SOD2: variants seen among roughly 807,000 people sequenced by gnomAD.
SOD2 encodes superoxide dismutase [Mn], mitochondrial.
In SOD2, 11 loss-of-function variants were observed where a neutral mutation model predicts 27.0. The observed-to-expected ratio is 0.41, with a 90% CI of 0.26 to 0.67. The LOEUF (loss-of-function observed/expected upper bound fraction) is 0.67. Ranked by LOEUF, SOD2 falls within the 30% of genes least tolerant of loss-of-function variation. The probability of loss-of-function intolerance (pLI) is 0.34; values close to 1 mark genes in which losing one functional copy is unlikely to be tolerated. For synonymous variants in SOD2, 105 were observed against 103.0 expected, an observed-to-expected ratio of 1.02 and a Z score of -0.12; for missense variants, 250 against 274.5, an observed-to-expected ratio of 0.91 and a Z score of 0.63.
chr6:159,682,876 A>G (rs1279996597), intron 4 of SOD2, among the ~76,000 whole-genome samples: 1 of 152,258 alleles, frequency 6.6e-6, no homozygotes, highest in African/African-American at 2.4e-5. Flanking sequence ...TAGACTTGGG[A>G]AAATTAACAA....
At chr6:159,727,373 C>CTGGCGGG, upstream of SOD2, 1 of 623,018 alleles carries the variant, frequency 1.6e-6, no homozygotes, top group African/African-American at 3.8e-5. Context: ...AGCGGGGAGG[C>CTGGCGGG]TGGCGGGAGG....
chr6:159,694,753 G>A (rs1395313993), upstream of SOD2, among the ~76,000 whole-genome samples: 2 of 124,112 alleles, frequency 1.6e-5, no homozygotes, highest in Non-Finnish European at 3.4e-5. Context: ...GCACCTCCAC[G>A]CCCCACTATT....
chr6:159,686,765 G>A (rs1334592601), intron 3 of SOD2, among the ~76,000 whole-genome samples: 3 of 152,188 alleles, frequency 2.0e-5, no homozygotes, highest in African/African-American at 7.2e-5. Flanking sequence ...GCATAAGATA[G>A]GCTGCCTTCC....
upstream of SOD2, among the ~76,000 whole-genome samples, chr6:159,694,433 G>A (rs1055667089): frequency 6.6e-6 from 1 of 152,074 alleles, no homozygotes; most frequent in African/African-American, 2.4e-5. Context: ...TAAGTGGAAT[G>A]GGAAAACAGT....
At chr6:159,688,397 A>C in intron 2 of SOD2, 155 bp from the exon 3 acceptor site, 3 of 575,472 alleles carry the variant, frequency 5.2e-6, no homozygotes, top group Non-Finnish European at 6.2e-6. Flanking sequence ...CCGCCCCAAA[A>C]TTATTTGTCC....
intron 1 of SOD2, chr6:159,713,394 G>T (rs1232225854): frequency 9.2e-6 from 6 of 653,600 alleles, no homozygotes; most frequent in Non-Finnish European, 1.7e-5. Context: ...GCACAGCCAT[G>T]AGCTTCTGAG....
chr6:159,731,344 T>G (rs1778559404), upstream of SOD2, among the ~76,000 whole-genome samples: 1 of 151,326 alleles, frequency 6.6e-6, no homozygotes, highest in Non-Finnish European at 1.5e-5. Flanking sequence ...GGTTCATGCC[T>G]GTGATCCCAG....
intron 1 of SOD2, among the ~76,000 whole-genome samples, chr6:159,759,166 TCTC>T (rs1051735987): frequency 5.3e-5 from 8 of 151,110 alleles, no homozygotes; most frequent in Admixed American, 4.6e-4. Context: ...TTCAAGCAAT[TCTC>T]CTGCCTCAGC....
At chr6:159,727,195 A>T in exon 1 of SOD2, 3 of 1,232,758 alleles carry the variant, frequency 2.4e-6, no homozygotes, top group Non-Finnish European at 3.1e-6. Flanking sequence ...GGGGAGTGTT[A>T]CCGGGGAGCA....
At position 159,685,219 on chromosome 6, in the gene SOD2, CTTTTTTTTTTTT is replaced by C. The variant is rs750824041; in HGVS notation, c.344-198_344-187del. Among the ~76,000 whole-genome samples the C allele has an allele frequency of 5.4e-5, 4 of 73,914 alleles. 1 individual carries two copies. Among genetic ancestry groups the C allele is most frequent in the Non-Finnish European group, 9.8e-5 (4 of 40,964 alleles). The allele number at this position is 73,914 out of a possible 152,430, so 48.5% of individuals were successfully genotyped here. On this transcript the variant is annotated intron_variant, in intron 3 of 4. Transcript: ENST00000538183. ...ACGTTTTTGTTTTTTATAACTTCAA[CTTTTTTTTTTTT>C]TTTTTTTTTTTTTCATTTTTTACCT...
Position 159,682,311 on chromosome 6 carries a change from A to C in SOD2, c.*182T>G. 1 of 463,390 alleles carries C rather than the reference A, an allele frequency of 2.2e-6. No homozygotes were observed. Among genetic ancestry groups the C allele is most frequent in the Non-Finnish European group, 3.7e-6 (1 of 268,834 alleles). The allele number at this position is 463,390 out of a possible 1,614,324, so 28.7% of individuals were successfully genotyped here. On this transcript the variant is annotated 3_prime_UTR_variant, in exon 5 of 5. Coordinates refer to ENST00000538183, the MANE Select transcript of SOD2 (RefSeq NM_000636.4). ...CACAAAGCATTTACTATTTTCAATCACTTGCCCAATAACAAAATGTTTAGT... is the reference window on the plus strand; with the variant it reads ...CACAAAGCATTTACTATTTTCAATCCCTTGCCCAATAACAAAATGTTTAGT...
intron 1 of SOD2, chr6:159,755,671 A>T: frequency 7.1e-7 from 1 of 1,408,388 alleles, no homozygotes; most frequent in Non-Finnish European, 9.2e-7. Flanking sequence ...ACTGTCCAGA[A>T]AATTAATGCA....
At chr6:159,748,259 C>T (rs552327088), upstream of SOD2, 2 of 1,614,026 alleles carry the variant, frequency 1.2e-6, no homozygotes, top group South Asian at 2.2e-5. The surrounding 1 kb of genome is among the most constrained non-coding windows in gnomAD (Gnocchi z 5.6). Context: ...CAATGGTAGA[C>T]CCAGCGATCA....
rs200936281 is a variant in SOD2 at position 159,742,052 on chromosome 6, A to T, written c.-116+3078T>A. On this transcript the variant is annotated intron_variant, in intron 1 of 3. Coordinates refer to the SOD2 transcript ENST00000537657. ...TCTAGTTTATTTAATAAACTATTTTATCGTAACAACTAATGTATGGATTTT... is the reference window on the plus strand; with the variant it reads ...TCTAGTTTATTTAATAAACTATTTTTTCGTAACAACTAATGTATGGATTTT... The T allele has an allele frequency of 3.5e-6, 5 of 1,434,320 alleles. No homozygotes were observed. The East Asian group carries it at 1.1e-4, about 33-fold the overall frequency. 88.8% of individuals were successfully genotyped at this position (1,434,320 alleles called of 1,614,324 possible). A position where few individuals can be genotyped will look rare whatever the true frequency, so the allele number is the denominator to read the frequency against.
At chr6:159,720,209 A>G (rs1778006424) in intron 1 of SOD2, among the ~76,000 whole-genome samples, 1 of 151,106 alleles carries the variant, frequency 6.6e-6, no homozygotes, top group Non-Finnish European at 1.5e-5. Context: ...TTTTTTGTGT[A>G]TATATAAATA....
chr6:159,691,034 T>C (rs1174244743), intron 2 of SOD2: 1 of 152,238 alleles, frequency 6.6e-6, no homozygotes, highest in Non-Finnish European at 1.5e-5. Context: ...TTTTAAAATA[T>C]GTTTAAGTAA....
At chr6:159,715,124 T>C (rs1040836335) in intron 1 of SOD2, among the ~76,000 whole-genome samples, 28 of 151,888 alleles carry the variant, frequency 1.8e-4, no homozygotes, top group African/African-American at 6.8e-4. Context: ...CCCAGACTTG[T>C]GTTTAGAAAG....
rs763624973 is a variant in SOD2 at position 159,673,329 on chromosome 6, A to T, written c.*9164T>A. 2.0e-5 allele frequency: 3 copies of T among 152,210 alleles called. No homozygotes were observed. Among genetic ancestry groups the T allele is most frequent in the Non-Finnish European group, 4.4e-5 (3 of 68,032 alleles). 9.4% of individuals were successfully genotyped at this position (152,210 alleles called of 1,614,324 possible). A position where few individuals can be genotyped will look rare whatever the true frequency, so the allele number is the denominator to read the frequency against. On this transcript the variant is annotated 3_prime_UTR_variant, in exon 5 of 5. Coordinates refer to ENST00000538183, the MANE Select transcript of SOD2 (RefSeq NM_000636.4). ...CAGCACCACATCGCACCTATTCCAA[A>T]ATTGACCACATAGTTGGAAGTAAAG...
At chr6:159,741,205 C>T (rs1489267946) in intron 1 of SOD2, among the ~76,000 whole-genome samples, 1 of 152,090 alleles carries the variant, frequency 6.6e-6, no homozygotes, top group Non-Finnish European at 1.5e-5. Flanking sequence ...CTAAGAGGAC[C>T]TAGCAGTGTA....
Sources: allele counts gnomAD v4.1 joint callset (sites outside exome capture counted in the v4.1 genomes callset), GRCh38; gene constraint gnomAD v4.1.1; non-coding constraint Gnocchi (gnomAD v3.1); transcripts MANE v1.5; gene names NCBI Gene and HGNC (gene_info 2026-07-23, HGNC 2026-07-21).